Variants in NCAM2 observed in about 807,000 individuals in gnomAD.
The protein encoded by NCAM2 is N-CAM-2.
A neutral mutation model predicts 98.1 loss-of-function variants in NCAM2; 30 were observed. The observed-to-expected ratio is 0.31, with a 90% CI of 0.23 to 0.41. NCAM2 has a LOEUF of 0.41. Ranked by LOEUF, NCAM2 falls within the 10% of genes least tolerant of loss-of-function variation. NCAM2 has a pLI of 1.00. For missense variants in NCAM2, 867 were observed against 1,005.8 expected, an observed-to-expected ratio of 0.86 and a Z score of 1.87; for synonymous variants, 368 against 342.4, an observed-to-expected ratio of 1.07 and a Z score of -0.83.
intron 8 of NCAM2, among the ~76,000 whole-genome samples, chr21:21,341,450 C>G (rs965172108): frequency 6.6e-6 from 1 of 152,074 alleles, no homozygotes; most frequent in African/African-American, 2.4e-5. Flanking sequence ...ATATTTCCAA[C>G]AGAAAAATGA....
chr21:21,483,403 A>G (rs530429065), intron 15 of NCAM2, among the ~76,000 whole-genome samples: 1 of 152,128 alleles, frequency 6.6e-6, no homozygotes, highest in Non-Finnish European at 1.5e-5. Context: ...AAATATTGCT[A>G]AAATATTTCA....
intron 5 of NCAM2, among the ~76,000 whole-genome samples, chr21:21,307,794 C>T (rs1178506136): frequency 6.6e-6 from 1 of 152,126 alleles, no homozygotes; most frequent in Non-Finnish European, 1.5e-5. Context: ...TGACACATCT[C>T]TCTTCTGCTG....
chr21:21,361,160 T>G (rs1234659013), intron 8 of NCAM2, among the ~76,000 whole-genome samples: 1 of 152,074 alleles, frequency 6.6e-6, no homozygotes, highest in African/African-American at 2.4e-5. Flanking sequence ...GTAATTCATC[T>G]CCCTATATAT....
At chr21:21,125,673 T>C (rs935617664) in intron 1 of NCAM2, among the ~76,000 whole-genome samples, 1 of 127,478 alleles carries the variant, frequency 7.8e-6, no homozygotes, top group Non-Finnish European at 1.6e-5. Flanking sequence ...TATATCTATA[T>C]ATAGAGATAT....
chr21:21,116,810 G>A (rs144797804), intron 1 of NCAM2, among the ~76,000 whole-genome samples: 29 of 151,788 alleles, frequency 1.9e-4, no homozygotes, highest in African/African-American at 7.0e-4. Flanking sequence ...AGCCGAGATC[G>A]TGCCACTGCA....
At chr21:21,246,215 A>G (rs960020190) in intron 1 of NCAM2, among the ~76,000 whole-genome samples, 3 of 152,130 alleles carry the variant, frequency 2.0e-5, no homozygotes, top group Admixed American at 2.0e-4. Context: ...CCAGTCATGT[A>G]AGTGAGTGAT....
At chr21:21,120,611 A>C (rs2066651401) in intron 1 of NCAM2, among the ~76,000 whole-genome samples, 1 of 152,220 alleles carries the variant, frequency 6.6e-6, no homozygotes, top group Admixed American at 6.5e-5. Context: ...TTTGTTTTCA[A>C]GAATGAGGAT....
chr21:21,267,095 T>C (rs759497015), intron 1 of NCAM2, among the ~76,000 whole-genome samples: 46 of 152,204 alleles, frequency 3.0e-4, no homozygotes, highest in Non-Finnish European at 4.0e-4. Context: ...GGGGAAGCAG[T>C]TGGGAAAAGA....
At chr21:21,488,168 T>A (rs1350595957) in intron 15 of NCAM2, among the ~76,000 whole-genome samples, 1 of 152,078 alleles carries the variant, frequency 6.6e-6, no homozygotes, top group Non-Finnish European at 1.5e-5. Context: ...GCAAATAAAT[T>A]TGACTTTTTA....
chr21:21,212,657 T>C lies in NCAM2; in HGVS notation c.56-67921T>C, dbSNP rs2069703378. On this transcript the variant is annotated intron_variant, in intron 1 of 17. Coordinates refer to ENST00000400546, the MANE Select transcript of NCAM2 (RefSeq NM_004540.5). ...GTGATACTATAGTTTTGCAAAATGT[T>C]ATCAGTGGAGGAATTGGACAAAATG... is the stretch of plus-strand genomic sequence containing the variant. Among the ~76,000 whole-genome samples the C allele has an allele frequency of 2.0e-5, 3 of 152,130 alleles. No individual in the cohort carries two copies. The South Asian group carries it at 6.2e-4, about 32-fold the overall frequency.
At chr21:21,244,403 G>T (rs2071182372) in intron 1 of NCAM2, among the ~76,000 whole-genome samples, 1 of 152,012 alleles carries the variant, frequency 6.6e-6, no homozygotes, top group Non-Finnish European at 1.5e-5. Context: ...TAAACTCTCA[G>T]GTACCTTGGT....
chr21:21,336,843 T>C (rs925288719), intron 7 of NCAM2, among the ~76,000 whole-genome samples: 2 of 152,182 alleles, frequency 1.3e-5, no homozygotes, highest in Non-Finnish European at 2.9e-5. Context: ...CAGGAAGCAT[T>C]GAATAAAGAG....
chr21:21,377,139 G>A (rs2076051557), intron 9 of NCAM2, among the ~76,000 whole-genome samples: 1 of 150,896 alleles, frequency 6.6e-6, no homozygotes, highest in African/African-American at 2.4e-5. Context: ...ACTTGAGTGG[G>A]GATAATTAGA....
intron 8 of NCAM2, among the ~76,000 whole-genome samples, chr21:21,357,026 T>TA (rs11473516): frequency 3.3e-5 from 5 of 150,680 alleles, no homozygotes; most frequent in Admixed American, 6.6e-5. Flanking sequence ...AATAAATAAA[T>TA]GTTTCTTGCT....
intron 1 of NCAM2, chr21:21,210,633 G>C: frequency 7.8e-7 from 1 of 1,285,494 alleles, no homozygotes; most frequent in Non-Finnish European, 1.0e-6. Context: ...TTGTTGACTG[G>C]AAATACAACG....
chr21:21,222,640 A>G (rs2147140890), intron 1 of NCAM2, among the ~76,000 whole-genome samples: 1 of 152,304 alleles, frequency 6.6e-6, no homozygotes, highest in South Asian at 2.1e-4. Context: ...ATCTTATGAC[A>G]AAACTTTAAC....
chr21:21,514,637 G>T (rs1234839316), intron 16 of NCAM2, among the ~76,000 whole-genome samples: 1 of 151,588 alleles, frequency 6.6e-6, no homozygotes, highest in Non-Finnish European at 1.5e-5. Flanking sequence ...TTATCATTTC[G>T]CATTTTACCT....
intron 1 of NCAM2, among the ~76,000 whole-genome samples, chr21:21,192,848 T>C (rs1187414538): frequency 1.3e-5 from 2 of 152,088 alleles, no homozygotes; most frequent in African/African-American, 4.8e-5. Context: ...AAGAAGAGTC[T>C]TGAAAGAAAG....
chr21:21,308,137 A>C (rs1305332646), intron 5 of NCAM2, among the ~76,000 whole-genome samples: 1 of 152,082 alleles, frequency 6.6e-6, no homozygotes, highest in Non-Finnish European at 1.5e-5. Flanking sequence ...ATATTCATAA[A>C]TTATTACATT....
Sources: gnomAD v4.1 joint callset for allele counts (sites outside exome capture counted in the v4.1 genomes callset) on GRCh38, gnomAD v4.1.1 for gene constraint, MANE v1.5 for transcripts, NCBI Gene and HGNC (gene_info 2026-07-23, HGNC 2026-07-21) for gene names.